MGA: variants seen among roughly 807,000 people sequenced by gnomAD.
MGA encodes MAX dimerization protein MGA, also known as MAX gene-associated protein.
MGA carries 40 observed loss-of-function variants against 261.1 expected under a neutral mutation model. The ratio of observed to expected loss-of-function variants is 0.15; its 90% CI spans 0.12 to 0.20. MGA has a LOEUF of 0.20. Ranked by LOEUF, MGA falls within the 10% of genes least tolerant of loss-of-function variation. The pLI is 1.00. For missense variants in MGA, 3,397 were observed against 3,630.5 expected (o/e 0.94, Z 1.65); for synonymous variants, 1,302 against 1,290.6 (o/e 1.01, Z -0.19).
rs1378988814 is a variant in MGA, at chr15:41,762,350, G to A, written c.7732G>A (p.Asp2578Asn). The A allele has an allele frequency of 6.2e-7, 1 of 1,608,392 alleles. No individual in the cohort carries two copies. The highest frequency in any genetic ancestry group is 1.7e-5 in the Admixed American group (1 of 59,662). ...ACCTTTGATTCTTTCCAGAAAAAAA[G>A]ACCAGGCCACAGGTAGGAGGGACAT... is the stretch of plus-strand genomic sequence containing the variant. Residue 2578 changes from aspartate (D) to asparagine (N), a missense_variant, in exon 22 of 24, where the codon GAC becomes AAC. Coordinates refer to ENST00000219905, the MANE Select transcript of MGA (RefSeq NM_001164273.2).
intron 1 of MGA, among the ~76,000 whole-genome samples, chr15:41,647,467 T>C (rs1429312350): frequency 6.6e-6 from 1 of 152,196 alleles, no homozygotes; most frequent in African/African-American, 2.4e-5. Context: ...CTGGAATACA[T>C]TTTTCTGTTG....
At chr15:41,692,531 G>A (rs751695064) in intron 2 of MGA, among the ~76,000 whole-genome samples, 2 of 152,062 alleles carry the variant, frequency 1.3e-5, no homozygotes, top group African/African-American at 2.4e-5. Flanking sequence ...AGCTATCTCC[G>A]GTCACCTAGA....
chr15:41,751,911 A>G (rs1005893468), intron 17 of MGA: 1 of 152,208 alleles, frequency 6.6e-6, no homozygotes. Context: ...TGCTTGTTTT[A>G]CAATCTCACT....
intron 2 of MGA, among the ~76,000 whole-genome samples, chr15:41,694,542 T>TC (rs2059450389): frequency 6.6e-6 from 1 of 151,706 alleles, no homozygotes; most frequent in Admixed American, 6.6e-5. Context: ...CTTTTTTTTT[T>TC]TTGAGACGGA....
At chr15:41,654,798 G>C (rs2057131304) in intron 1 of MGA, among the ~76,000 whole-genome samples, 1 of 152,146 alleles carries the variant, frequency 6.6e-6, no homozygotes, top group Non-Finnish European at 1.5e-5. Flanking sequence ...ACAGGCCCGA[G>C]CCACTGTGCC....
chr15:41,704,435 GGA>G (rs1370779215), intron 5 of MGA, among the ~76,000 whole-genome samples: 2 of 152,184 alleles, frequency 1.3e-5, no homozygotes, highest in African/African-American at 4.8e-5. Context: ...CAAGGCGGGT[GGA>G]TCACAAGGTC....
chr15:41,731,219 T>C (rs1260975185), intron 11 of MGA, among the ~76,000 whole-genome samples: 1 of 152,168 alleles, frequency 6.6e-6, no homozygotes, highest in African/African-American at 2.4e-5. Flanking sequence ...ATTAGCATTA[T>C]TAATGACCAC....
intron 2 of MGA, among the ~76,000 whole-genome samples, chr15:41,692,470 T>C (rs2059337820): frequency 6.6e-6 from 1 of 152,222 alleles, no homozygotes; most frequent in Non-Finnish European, 1.5e-5. Context: ...CTTTTTTCTC[T>C]CCTTACTGTA....
In MGA at chr15:41,711,177, G is replaced by A. The variant is rs762161367; in HGVS notation, c.2912G>A (p.Arg971Gln). ...ATATTTCCAAAGCAGATTAGTTTGC[G>A]GCAGGCACAGCAGCAGCAGCAACAG... is the stretch of plus-strand genomic sequence containing the variant. The change falls in exon 8 of 24, where the codon CGG becomes CAG. Residue 971 changes from arginine to glutamine, a missense_variant. By Grantham distance (43) the Arg-to-Gln change is conservative. Around this residue, in one of 9 missense-constraint regions of MGA, gnomAD observed 519 missense variants for 554.1 expected, o/e 0.94. Transcript: ENST00000219905. 3 of 1,613,914 alleles carry A rather than the reference G, an allele frequency of 1.9e-6. No homozygotes were observed. Among genetic ancestry groups the A allele is most frequent in the South Asian group, 1.1e-5 (1 of 91,068 alleles).
chr15:41,697,106 A>T, intron 3 of MGA, 83 bp downstream of exon 3: 1 of 1,180,220 alleles, frequency 8.5e-7, no homozygotes, highest in East Asian at 2.6e-5. Flanking sequence ...CTCGATTTAC[A>T]ATCTAGTTTT....
In MGA at chr15:41,754,466, TGAG is replaced by T; in HGVS notation, c.7042_7044del (p.Glu2348del). On this transcript the variant is annotated inframe_deletion, in exon 18 of 24. Coordinates refer to ENST00000219905, the MANE Select transcript of MGA (RefSeq NM_001164273.2). ...ACTGTGTAGAATACATTGAGGATGA[TGAG>T]GAGCACGTGGACATTGAGACTGTAG... 1 of 1,557,120 alleles carries T rather than the reference TGAG, an allele frequency of 6.4e-7. No individual in the cohort carries two copies.
intron 1 of MGA, among the ~76,000 whole-genome samples, chr15:41,662,383 A>G (rs1274198667): frequency 6.6e-6 from 1 of 152,150 alleles, no homozygotes; most frequent in Non-Finnish European, 1.5e-5. Context: ...AGCAGTAACA[A>G]ATGATATCTG....
intron 1 of MGA, among the ~76,000 whole-genome samples, chr15:41,625,182 G>A (rs1213294824): frequency 1.3e-5 from 2 of 152,096 alleles, no homozygotes; most frequent in Non-Finnish European, 2.9e-5. Context: ...CATGACTGTC[G>A]AGGCAAATCC....
At position 41,630,134 on chromosome 15, in the gene MGA, C is replaced by G. The variant is rs145626915; in HGVS notation, c.-68+8836C>G. 9.9e-4 allele frequency among the ~76,000 whole-genome samples: 151 copies of G among 152,268 alleles called. 1 individual carries two copies. The highest frequency in any genetic ancestry group is 1.7e-3 in the Non-Finnish European group (117 of 68,032). On this transcript the variant is annotated intron_variant, in intron 1 of 8. Transcript: ENST00000566718. ...TTATCTTTTCTCCTCTTTATCACAC[C>G]TACCGTGCCCAATGTGCTTGGCTCT...
In MGA at chr15:41,750,468, G is replaced by T. The variant is rs774168459; in HGVS notation, c.6861G>T (p.Lys2287Asn). 2 of 1,614,002 alleles carry T rather than the reference G, an allele frequency of 1.2e-6. No homozygotes were observed. The highest frequency in any genetic ancestry group is 1.7e-6 in the Non-Finnish European group (2 of 1,179,886). ...AACAGATACAACCAAAGCAAGAGAAGAAGGGTGGGAGAAGCAGTGCTGACT... is the reference window on the plus strand; with the variant it reads ...AACAGATACAACCAAAGCAAGAGAATAAGGGTGGGAGAAGCAGTGCTGACT... Residue 2287 changes from lysine (K) to asparagine (N), a missense_variant, in exon 17 of 24, where the codon AAG becomes AAT. Coordinates refer to ENST00000219905, the MANE Select transcript of MGA (RefSeq NM_001164273.2).
chr15:41,655,086 A>G (rs1329791154), intron 1 of MGA, among the ~76,000 whole-genome samples: 2 of 151,860 alleles, frequency 1.3e-5, no homozygotes, highest in Non-Finnish European at 2.9e-5. Flanking sequence ...GGATACCCAA[A>G]TCCTCAGATG....
At chr15:41,668,023 C>G (rs571376085) in intron 1 of MGA, among the ~76,000 whole-genome samples, 1 of 151,738 alleles carries the variant, frequency 6.6e-6, no homozygotes, top group Non-Finnish European at 1.5e-5. Context: ...AGGCTAGTCT[C>G]GAATTCCTGG....
chr15:41,648,020 A>G (rs1404596950), intron 1 of MGA, among the ~76,000 whole-genome samples: 1 of 152,234 alleles, frequency 6.6e-6, no homozygotes, highest in Non-Finnish European at 1.5e-5. Context: ...AATCGACACT[A>G]TCATCATTGC....
At chr15:41,710,649 G>A (rs377762116) in intron 7 of MGA, 42 bp from the exon 8 acceptor site, 2 of 1,514,878 alleles carry the variant, frequency 1.3e-6, no homozygotes, top group Non-Finnish European at 1.8e-6. Context: ...TCATAAATCT[G>A]TCCTAGATTT....
Sources: gnomAD v4.1 joint callset for allele counts (sites outside exome capture counted in the v4.1 genomes callset) on GRCh38, gnomAD v4.1.1 for gene constraint, gnomAD v4.1.1 regional missense constraint, MANE v1.5 for transcripts, NCBI Gene and HGNC (gene_info 2026-07-23, HGNC 2026-07-21) for gene names.